MYO1H: variants seen among roughly 807,000 people sequenced by gnomAD.
The protein encoded by MYO1H is myosin IH, also known as unconventional myosin-Ih.
Under a neutral mutation model 149.3 loss-of-function variants are expected in MYO1H, and 118 were observed. That is an observed-to-expected ratio of 0.79 (90% CI 0.68 to 0.92). The LOEUF is 0.92. Among genes scored for constraint, MYO1H ranks in the 40% least tolerant of loss-of-function variants. The pLI, the probability that MYO1H is intolerant of heterozygous loss-of-function variation, is 0.00. For missense variants in MYO1H, 1,212 were observed against 1,280.7 expected (o/e 0.95, Z 0.82); for synonymous variants, 447 against 465.2 (o/e 0.96, Z 0.50).
intron 27 of MYO1H, 139 bp from the exon 28 acceptor site, chr12:109,443,375 C>T (rs1388262943): frequency 2.6e-6 from 2 of 779,602 alleles, no homozygotes; most frequent in South Asian, 1.8e-5. Context: ...CACACACACA[C>T]ACACACACAC....
intron 6 of MYO1H, among the ~76,000 whole-genome samples, chr12:109,402,047 A>G (rs533347890): frequency 6.6e-6 from 1 of 152,164 alleles, no homozygotes; most frequent in Non-Finnish European, 1.5e-5. Context: ...ACTTTTGAAA[A>G]GATCTTTTCC....
intron 1 of MYO1H, among the ~76,000 whole-genome samples, chr12:109,349,497 C>CCAA (rs150233595): frequency 0.4 from 57,268 of 143,282 alleles, 12,270 homozygotes; most frequent in Admixed American, 0.5. Context: ...ACCCCCCCAC[C>CCAA]AAAAAAATTA....
At chr12:109,388,912 TGA>T (rs1293121196) in intron 2 of MYO1H, 68 bp downstream of exon 2, 73 of 1,519,604 alleles carry the variant, frequency 4.8e-5, no homozygotes, top group Non-Finnish European at 3.7e-5. Flanking sequence ...ACGACTTTGA[TGA>T]GTGTGAATAA....
At chr12:109,315,847 A>G in the MYO1H span, among the ~76,000 whole-genome samples, 22 of 152,346 alleles carry the variant, frequency 1.4e-4, no homozygotes, top group Admixed American at 1.4e-3. Context: ...CAAAATTTCA[A>G]AAATTGTCAG....
chr12:109,349,497 C>CAAA lies in MYO1H; in HGVS notation c.12+1530_12+1532dup, dbSNP rs1555247607. On this transcript the variant is annotated intron_variant, in intron 1 of 31. Coordinates refer to ENST00000310903, the Ensembl canonical transcript of MYO1H. ...GAGCAACATAGTGTGACCCCCCCAC[C>CAAA]AAAAAAATTAAAAAGTAGCTAGATA... is the stretch of plus-strand genomic sequence containing the variant. Among the ~76,000 whole-genome samples the CAAA allele has an allele frequency of 2.3e-4, 33 of 144,508 alleles. 1 individual carries two copies. The highest frequency in any genetic ancestry group is 1.4e-3 in the Admixed American group (20 of 14,608). 94.8% of individuals were successfully genotyped at this position (144,508 alleles called of 152,430 possible).
rs1555255537 is a variant in MYO1H at position 109,443,042 on chromosome 12, G to GTATACACATATATA, written c.2689-471_2689-470insATACACATATATAT. Among the ~76,000 whole-genome samples, 363 of 92,000 alleles carry GTATACACATATATA rather than the reference G, an allele frequency of 3.9e-3. 81 individuals are homozygous for GTATACACATATATA. Among genetic ancestry groups the GTATACACATATATA allele is most frequent in the African/African-American group, 0.018 (320 of 18,102 alleles). The allele number at this position is 92,000 out of a possible 152,430, so 60.4% of individuals were successfully genotyped here. ...TATATATATATATGTGTGTGTGTGT[G>GTATACACATATATA]TGTGTATATATGTGTACGTATGTGT... On this transcript the variant is annotated intron_variant, in intron 27 of 31. Coordinates refer to ENST00000310903, the Ensembl canonical transcript of MYO1H.
At chr12:109,405,788 G>C in intron 7 of MYO1H, 134 bp from the exon 8 acceptor site, 2 of 675,156 alleles carry the variant, frequency 3.0e-6, no homozygotes, top group Non-Finnish European at 5.3e-6. Flanking sequence ...TTGGTTCTGT[G>C]GGCTCAGGTG....
At chr12:109,440,360 T>C (rs1466212541) in intron 24 of MYO1H, among the ~76,000 whole-genome samples, 1 of 152,154 alleles carries the variant, frequency 6.6e-6, no homozygotes, top group African/African-American at 2.4e-5. Flanking sequence ...GAATCATTTC[T>C]ATTCCTGACG....
At chr12:109,338,908 CTT>C in the MYO1H span, among the ~76,000 whole-genome samples, 8 of 152,074 alleles carry the variant, frequency 5.3e-5, no homozygotes, top group Non-Finnish European at 1.0e-4. Context: ...TTGATAAAGT[CTT>C]GTCCTTTTGC....
At chr12:109,413,495 A>C (rs1870762876) in intron 14 of MYO1H, among the ~76,000 whole-genome samples, 1 of 152,250 alleles carries the variant, frequency 6.6e-6, no homozygotes, top group South Asian at 2.1e-4. Flanking sequence ...AGTACATGAA[A>C]TTGCATAGTG....
intron 1 of MYO1H, among the ~76,000 whole-genome samples, chr12:109,355,920 G>A (rs1406775755): frequency 1.3e-5 from 2 of 150,672 alleles, no homozygotes; most frequent in Non-Finnish European, 3.0e-5. Flanking sequence ...GTTTCATCAT[G>A]TTGGCCAGGC....
chr12:109,436,441 T>C (rs374037980), intron 21 of MYO1H, 47 bp from the exon 22 acceptor site: 1 of 1,411,582 alleles, frequency 7.1e-7, no homozygotes, highest in South Asian at 1.2e-5. Flanking sequence ...ACCACAAAGA[T>C]GCGCAAATGC....
intron 1 of MYO1H, among the ~76,000 whole-genome samples, chr12:109,367,036 C>T (rs1053632519): frequency 6.6e-6 from 1 of 152,168 alleles, no homozygotes; most frequent in East Asian, 1.9e-4. Flanking sequence ...TTTCTTGTCC[C>T]AAGCAGTTCA....
intron 15 of MYO1H, 97 bp downstream of exon 15, chr12:109,415,717 T>A: frequency 2.7e-6 from 2 of 731,378 alleles, no homozygotes; most frequent in East Asian, 3.1e-5. Flanking sequence ...TGCACAGCCA[T>A]CCCAAACGTT....
chr12:109,330,763 G>A, the MYO1H span, among the ~76,000 whole-genome samples: 2 of 152,122 alleles, frequency 1.3e-5, no homozygotes, highest in South Asian at 2.1e-4. Context: ...TTGCTTGCAA[G>A]TTCAAAGTGA....
At chr12:109,327,739 CAAAAAAAAA>C in the MYO1H span, among the ~76,000 whole-genome samples, 2 of 85,666 alleles carry the variant, frequency 2.3e-5, no homozygotes, top group African/African-American at 4.5e-5. Context: ...AAAACTGTCT[CAAAAAAAAA>C]AAAAAAAAAG....
At chr12:109,427,350 G>C in intron 18 of MYO1H, 119 bp from the exon 19 acceptor site, 1 of 514,908 alleles carries the variant, frequency 1.9e-6, no homozygotes, top group Non-Finnish European at 3.6e-6. Flanking sequence ...AAGACCTCAC[G>C]AAATGAGTCT....
At chr12:109,337,963 C>T in the MYO1H span, among the ~76,000 whole-genome samples, 69 of 152,216 alleles carry the variant, frequency 4.5e-4, no homozygotes, top group Middle Eastern at 3.4e-3. Context: ...GTACAAAAAG[C>T]TCCCCAGACT....
chr12:109,401,939 C>T (rs1417976719), intron 6 of MYO1H, among the ~76,000 whole-genome samples: 1 of 151,982 alleles, frequency 6.6e-6, no homozygotes, highest in Non-Finnish European at 1.5e-5. Context: ...AGTGTTTCTC[C>T]ATGTTGTCCA....
Sources: allele counts gnomAD v4.1 joint callset (sites outside exome capture counted in the v4.1 genomes callset), GRCh38; gene constraint gnomAD v4.1.1; transcripts MANE v1.5; gene names NCBI Gene and HGNC (gene_info 2026-07-23, HGNC 2026-07-21).